PDE1A: variants seen among roughly 807,000 people sequenced by gnomAD.
The protein encoded by PDE1A is phosphodiesterase 1A.
Under a neutral mutation model 61.7 loss-of-function variants are expected in PDE1A, and 35 were observed. The observed-to-expected ratio is 0.57, with a 90% confidence interval of 0.43 to 0.75. The LOEUF (loss-of-function observed/expected upper bound fraction) is 0.75, where lower values mean the gene tolerates loss of function less well. PDE1A is among the 30% of genes least tolerant of loss of function. The pLI, the probability that PDE1A is intolerant of heterozygous loss-of-function variation, is 0.00. For missense variants in PDE1A, 597 were observed against 630.6 expected, an observed-to-expected ratio of 0.95 and a Z score of 0.57; for synonymous variants, 232 against 213.2, an observed-to-expected ratio of 1.09 and a Z score of -0.77.
chr2:182,535,597 T>C, the PDE1A span, among the ~76,000 whole-genome samples: 1 of 152,182 alleles, frequency 6.6e-6, no homozygotes, highest in Admixed American at 6.6e-5. Flanking sequence ...AATCCTGCTG[T>C]CAGCTGTGAA....
exon 7 of PDE1A, chr2:182,223,903 T>C (rs1447842270): frequency 6.2e-7 from 1 of 1,603,190 alleles, no homozygotes; most frequent in Non-Finnish European, 8.5e-7. Flanking sequence ...CCCTGTATGC[T>C]CATAATCATG....
intron 2 of PDE1A, among the ~76,000 whole-genome samples, chr2:182,483,576 T>C (rs893856245): frequency 6.6e-6 from 1 of 151,900 alleles, no homozygotes; most frequent in African/African-American, 2.4e-5. Flanking sequence ...GGAGTTATAA[T>C]GGAAATTAGA....
intron 7 of PDE1A, among the ~76,000 whole-genome samples, chr2:182,220,372 T>C (rs1688617803): frequency 6.6e-6 from 1 of 152,092 alleles, no homozygotes; most frequent in Admixed American, 6.6e-5. Context: ...AATCTAGCCA[T>C]AGCAGATTTG....
At chr2:182,442,564 TATTTA>T in intron 2 of PDE1A, among the ~76,000 whole-genome samples, 1 of 152,154 alleles carries the variant, frequency 6.6e-6, no homozygotes, top group Non-Finnish European at 1.5e-5. Context: ...GTGTAATACA[TATTTA>T]ATTTTATTCT....
At chr2:182,327,687 C>G (rs1328985086) in intron 1 of PDE1A, among the ~76,000 whole-genome samples, 1 of 152,158 alleles carries the variant, frequency 6.6e-6, no homozygotes, top group East Asian at 1.9e-4. Flanking sequence ...TGAAGACTGG[C>G]TGGAGACACA....
chr2:182,582,653 C>T, the PDE1A span, among the ~76,000 whole-genome samples: 3 of 152,128 alleles, frequency 2.0e-5, no homozygotes, highest in East Asian at 5.8e-4. Flanking sequence ...TCTCAGATGT[C>T]TGCAAGGAAG....
intron 1 of PDE1A, among the ~76,000 whole-genome samples, chr2:182,358,957 C>T (rs1344791459): frequency 6.6e-6 from 1 of 151,618 alleles, no homozygotes; most frequent in Non-Finnish European, 1.5e-5. Context: ...CCCTTTCTTC[C>T]TTCCCTTCCT....
At chr2:182,345,190 T>C (rs1293854156) in intron 1 of PDE1A, among the ~76,000 whole-genome samples, 2 of 152,214 alleles carry the variant, frequency 1.3e-5, no homozygotes, top group Admixed American at 6.6e-5. Context: ...TCCACTTAGA[T>C]AATTAATAGA....
At chr2:182,288,160 T>C (rs1304303787) in intron 1 of PDE1A, among the ~76,000 whole-genome samples, 1 of 152,182 alleles carries the variant, frequency 6.6e-6, no homozygotes, top group Non-Finnish European at 1.5e-5. Flanking sequence ...TTCCTTCCAA[T>C]AGAATGTTTG....
chr2:182,429,466 A>G (rs984244879), upstream of PDE1A, among the ~76,000 whole-genome samples: 16 of 151,966 alleles, frequency 1.1e-4, no homozygotes, highest in African/African-American at 3.6e-4. Flanking sequence ...TTTTTTCCTG[A>G]GGGGGGTCAG....
the PDE1A span, among the ~76,000 whole-genome samples, chr2:182,600,131 A>C: frequency 6.6e-6 from 1 of 152,234 alleles, no homozygotes. Context: ...GGTTTTGAAA[A>C]TAAAATTGGG....
intron 6 of PDE1A, among the ~76,000 whole-genome samples, chr2:182,229,780 CTTT>C (rs10716042): frequency 4.3e-5 from 6 of 139,256 alleles, no homozygotes; most frequent in African/African-American, 2.6e-5. Context: ...TTTTGGGAAA[CTTT>C]TTTTTTTTTT....
chr2:182,316,352 T>A (rs1048688881), intron 1 of PDE1A, among the ~76,000 whole-genome samples: 1 of 152,196 alleles, frequency 6.6e-6, no homozygotes, highest in Non-Finnish European at 1.5e-5. Context: ...TCTCATTTGA[T>A]TAAGTAAATG....
At chr2:182,439,355 C>T (rs1231406292) in intron 2 of PDE1A, among the ~76,000 whole-genome samples, 5 of 151,882 alleles carry the variant, frequency 3.3e-5, no homozygotes, top group East Asian at 1.9e-4. Flanking sequence ...AAATTATGAA[C>T]GTGGATGGTC....
chr2:182,675,508 T>C, the PDE1A span, among the ~76,000 whole-genome samples: 1 of 152,182 alleles, frequency 6.6e-6, no homozygotes, highest in African/African-American at 2.4e-5. Flanking sequence ...TAGTTCTGTT[T>C]TTAGGTCTTT....
chr2:182,151,107 G>A (rs1690754241), intron 13 of PDE1A, among the ~76,000 whole-genome samples: 1 of 152,026 alleles, frequency 6.6e-6, no homozygotes, highest in African/African-American at 2.4e-5. Flanking sequence ...TATTTTTTGA[G>A]ACAAAGTTTT....
chr2:182,643,321 C>CG, the PDE1A span, among the ~76,000 whole-genome samples: 1 of 152,108 alleles, frequency 6.6e-6, no homozygotes, highest in Non-Finnish European at 1.5e-5. Context: ...TTGCCTGGTA[C>CG]GGCACAGGTA....
chr2:182,533,981 ATATT>A, the PDE1A span, among the ~76,000 whole-genome samples: 1 of 152,106 alleles, frequency 6.6e-6, no homozygotes, highest in Admixed American at 6.5e-5. Flanking sequence ...GCAACATTTT[ATATT>A]TTTTTCTAAA....
the PDE1A span, among the ~76,000 whole-genome samples, chr2:182,663,898 A>T: frequency 3.9e-5 from 6 of 152,172 alleles, no homozygotes; most frequent in Non-Finnish European, 7.3e-5. Flanking sequence ...ATAAAAATTT[A>T]AAATTTTTGA....
Sources: allele counts gnomAD v4.1 joint callset (sites outside exome capture counted in the v4.1 genomes callset), GRCh38; gene constraint gnomAD v4.1.1; transcripts MANE v1.5; gene names NCBI Gene and HGNC (gene_info 2026-07-23, HGNC 2026-07-21).